The following EML3 variants were observed in gnomAD, a reference collection of about 807,000 sequenced individuals.
EML3 encodes EMAP like 3, also known as echinoderm microtubule-associated protein-like 3.
EML3 carries 53 observed loss-of-function variants against 106.7 expected under a neutral mutation model. The ratio of observed to expected loss-of-function variants is 0.50; its 90% CI spans 0.40 to 0.62. The LOEUF (loss-of-function observed/expected upper bound fraction) is 0.62. EML3 is among the 20% of genes least tolerant of loss of function. The pLI is 0.00. For missense variants in EML3, 994 were observed against 1,209.1 expected (o/e 0.82, Z 2.64); for synonymous variants, 499 against 489.6 (o/e 1.02, Z -0.25).
chr11:62,610,099 A>G (rs865828852), intron 4 of EML3, among the ~76,000 whole-genome samples: 1 of 152,094 alleles, frequency 6.6e-6, no homozygotes, highest in Admixed American at 6.6e-5. Context: ...CTGGGATTAC[A>G]CGTGCGCGCC....
Position 62,607,737 on chromosome 11 carries a change from A to G in EML3, c.1291T>C (p.Phe431Leu). 1 of 1,613,864 alleles carries G rather than the reference A, an allele frequency of 6.2e-7. No homozygotes were observed. Among genetic ancestry groups the G allele is most frequent in the Non-Finnish European group, 8.5e-7 (1 of 1,179,934 alleles). ...CCTACTCCACCACTCCAATTCCAGAAGTGGACGTGAGATTTCCCACTGGTG... is the reference window on the plus strand; with the variant it reads ...CCTACTCCACCACTCCAATTCCAGAGGTGGACGTGAGATTTCCCACTGGTG... ...IVTSGKSHVH[F>L]WNWSGGVGVP... is the part of the protein sequence containing the mutation. The change falls in exon 11 of 22, where the codon TTC becomes CTC. Residue 431 changes from phenylalanine to leucine, a missense_variant. By Grantham distance (22) the Phe-to-Leu change is conservative. Around this residue, in one of 3 missense-constraint regions of EML3, gnomAD observed 713 missense variants for 920.5 expected, o/e 0.77. Transcript: ENST00000394773.
At chr11:62,603,676 A>C (rs1942364893) in intron 19 of EML3, 53 bp downstream of exon 19, 10 of 1,524,110 alleles carry the variant, frequency 6.6e-6, no homozygotes, top group Non-Finnish European at 9.1e-6. Flanking sequence ...CCCCCCCTAC[A>C]CAAAACCCAC....
chr11:62,609,782 T>A, intron 4 of EML3, 86 bp from the exon 5 acceptor site: 1 of 1,193,406 alleles, frequency 8.4e-7, no homozygotes, highest in Non-Finnish European at 1.2e-6. Context: ...AAGAGGTCAC[T>A]GCAGAAACCA....
chr11:62,611,665 T>TC (rs1296222509), intron 1 of EML3, 69 bp from the exon 2 acceptor site: 1 of 1,499,490 alleles, frequency 6.7e-7, no homozygotes, highest in Non-Finnish European at 8.9e-7. Context: ...GGATTCTGTC[T>TC]CCCCACAACT....
chr11:62,602,450 G>C lies in EML3; in HGVS notation c.*25C>G. 1 of 1,544,732 alleles carries C rather than the reference G, an allele frequency of 6.5e-7. No individual in the cohort carries two copies. Among genetic ancestry groups the C allele is most frequent in the Non-Finnish European group, 8.8e-7 (1 of 1,142,722 alleles). On this transcript the variant is annotated 3_prime_UTR_variant, in exon 22 of 22. Coordinates refer to ENST00000394773, the MANE Select transcript of EML3 (RefSeq NM_153265.3). ...GGGCGGGGCGGGGCCACGCCGCCGG[G>C]CCAGTCGGTCCCGCCAGGCAGCGAT...
Position 62,605,772 on chromosome 11 carries a change from C to T in EML3, c.1784G>A (p.Gly595Asp). The part of the protein sequence containing the change: ...LAQGFSPVIQ[G>D]HTDELWGLCT... ...GAGCCCCCAGAGCTCATCAGTGTGG[C>T]CCTGCAGCACAGCATGACTGTCACT... Residue 595 changes from glycine to aspartate, a missense_variant and splice_region_variant, in exon 15 of 22, where the codon GGC becomes GAC. By Grantham distance (94) the Gly-to-Asp change is moderately conservative (BLOSUM62 -1). This residue lies in a region of EML3 where 713 missense variants were observed against 920.5 expected (regional missense o/e 0.77). Transcript: ENST00000394773. The surrounding 1 kb of genome is among the most constrained non-coding windows in gnomAD (Gnocchi z 5.2). The T allele has an allele frequency of 6.3e-7, 1 of 1,596,246 alleles. No individual in the cohort carries two copies. The highest frequency in any genetic ancestry group is 8.6e-7 in the Non-Finnish European group (1 of 1,169,534).
In EML3 at chr11:62,603,961, G is replaced by C; in HGVS notation, c.2152C>G (p.Arg718Gly). ...SVSSDGAKSSRFGRCMGHSSF... is the reference protein window; with the variant it reads ...SVSSDGAKSSGFGRCMGHSSF... ...TTCCTCACCATACAGCGGCCAAAGCGGCTGGATTTGGCACCATCACTGGAA... is the reference window on the plus strand; with the variant it reads ...TTCCTCACCATACAGCGGCCAAAGCCGCTGGATTTGGCACCATCACTGGAA... The change falls in exon 18 of 22, where the codon CGC (arginine) becomes GGC (glycine). Residue 718 changes from arginine (R) to glycine (G), a missense_variant. By Grantham distance (125) the Arg-to-Gly change is moderately radical. Coordinates refer to ENST00000394773, the MANE Select transcript of EML3 (RefSeq NM_153265.3). 1 of 1,613,986 alleles carries C rather than the reference G, an allele frequency of 6.2e-7. No homozygotes were observed. The highest frequency in any genetic ancestry group is 8.5e-7 in the Non-Finnish European group (1 of 1,180,002).
At chr11:62,611,673 A>C (rs763905691) in intron 1 of EML3, 77 bp from the exon 2 acceptor site, 15 of 1,472,954 alleles carry the variant, frequency 1.0e-5, no homozygotes, top group Non-Finnish European at 1.4e-5. Context: ...TCTCCCCACA[A>C]CTTTACATGT....
chr11:62,611,688 G>A (rs1942837898), intron 1 of EML3, 92 bp from the exon 2 acceptor site: 2 of 1,395,476 alleles, frequency 1.4e-6, no homozygotes, highest in Non-Finnish European at 1.9e-6. Context: ...ACATGTGTCC[G>A]GTAGGACTGC....
Position 62,602,653 on chromosome 11 carries a change from TG to T in EML3, c.2512del (p.His838ThrfsTer5). 6.3e-7 allele frequency: 1 copy of T among 1,595,788 alleles called. No homozygotes were observed. The highest frequency in any genetic ancestry group is 8.5e-7 in the Non-Finnish European group (1 of 1,174,438). ...TCGGACGCTGGTCACGTGGCTGCCG[TG>T]GCCCCCGTACATGCGGCTCGGCGCC... Reference protein sequence around the residue: ...AKAPSRMYGGHGSHVTSVRFT... With the variant: ...AKAPSRMYGGXGSHVTSVRFT... On this transcript the variant is annotated frameshift_variant, in exon 22 of 22. Transcript: ENST00000394773. LOFTEE classifies it high-confidence loss of function.
intron 1 of EML3, chr11:62,612,170 G>A: frequency 3.9e-6 from 2 of 514,512 alleles, no homozygotes; most frequent in South Asian, 5.0e-5. Context: ...AATACCACGA[G>A]AAGAGGCCCG....
chr11:62,602,741 C>A lies in EML3; in HGVS notation c.2487+18G>T. The stretch of plus-strand genomic sequence containing the variant: ...CTCGGGCCCACCGGTCCCACCCCGG[C>A]GATCCCCGCGGCCTCACCTTGGCAC... On this transcript the variant is annotated intron_variant, in intron 21 of 21. Transcript: ENST00000394773. The A allele has an allele frequency of 6.2e-7, 1 of 1,609,274 alleles. No homozygotes were observed. The highest frequency in any genetic ancestry group is 8.5e-7 in the Non-Finnish European group (1 of 1,178,540).
In EML3 at chr11:62,608,673, A is replaced by C. The variant is rs371527782; in HGVS notation, c.1000-21T>G. On this transcript the variant is annotated intron_variant, in intron 8 of 21. Transcript: ENST00000394773. The stretch of plus-strand genomic sequence containing the variant: ...AGGGGCTGGTGGAGGAAGAGTCACA[A>C]GTGTGAAGCAAAATTGGAGTGCAAT... 1.2e-5 allele frequency: 19 copies of C among 1,614,002 alleles called. No homozygotes were observed. In the South Asian group the frequency reaches 1.2e-4, roughly 10 times the overall value.
chr11:62,603,019 G>C (rs1942318475), intron 20 of EML3, 130 bp from the exon 21 acceptor site: 3 of 1,432,090 alleles, frequency 2.1e-6, no homozygotes, highest in African/African-American at 1.8e-5. Context: ...TCCCGGTCCC[G>C]AGGGGCCTCC....
chr11:62,612,312 G>T (rs948393495), intron 1 of EML3, 124 bp downstream of exon 1: 13 of 964,714 alleles, frequency 1.3e-5, no homozygotes, highest in Non-Finnish European at 2.0e-5. Flanking sequence ...TGTGGAGGAT[G>T]CTCGGAGCCC....
Position 62,603,946 on chromosome 11 carries a change from T to C in EML3, c.2167A>G (p.Met723Val), listed in dbSNP as rs1942381508. ...GAKSSRFGRC[M>V]GHSSFITHLD... ...ACCACACACCCCAACTTCCTCACCA[T>C]ACAGCGGCCAAAGCGGCTGGATTTG... The change falls in exon 18 of 22, where the codon ATG (methionine) becomes GTG (valine). Residue 723 changes from methionine (M) to valine (V), a missense_variant and splice_region_variant. This residue lies in a region of EML3 where 713 missense variants were observed against 920.5 expected (regional missense o/e 0.77). Transcript: ENST00000394773. The C allele has an allele frequency of 5.0e-6, 8 of 1,614,008 alleles. No homozygotes were observed. Among genetic ancestry groups the C allele is most frequent in the Admixed American group, 3.3e-5 (2 of 60,022 alleles).
In EML3 at chr11:62,607,554, AAG is replaced by A. The variant is rs772060805; in HGVS notation, c.1362+110_1362+111del. ...CTCCGTCTCAAAAGAAAAAAAAAAA[AAG>A]GTCACAGGGGCAGGTGGGGGTTAGG... On this transcript the variant is annotated intron_variant, in intron 11 of 21. Transcript: ENST00000394773. 7.7e-6 allele frequency: 10 copies of A among 1,292,988 alleles called. No individual in the cohort carries two copies. In the East Asian group the frequency reaches 1.7e-4, roughly 22 times the overall value. 80.1% of individuals were successfully genotyped at this position (1,292,988 alleles called of 1,614,324 possible). A position where few individuals can be genotyped will look rare whatever the true frequency, so the allele number is the denominator to read the frequency against.
intron 16 of EML3, among the ~76,000 whole-genome samples, chr11:62,604,541 C>A (rs1942417639): frequency 2.0e-5 from 3 of 152,084 alleles, no homozygotes; most frequent in African/African-American, 7.2e-5. Context: ...CCATGCCCGT[C>A]TAATTTTTGT....
intron 12 of EML3, 74 bp from the exon 13 acceptor site, chr11:62,606,288 G>A (rs1364106284): frequency 4.1e-5 from 62 of 1,529,708 alleles, no homozygotes; most frequent in Non-Finnish European, 4.8e-5. Flanking sequence ...CTTGGCTGTC[G>A]CAATACAGTA....
Sources: allele counts gnomAD v4.1 joint callset (sites outside exome capture counted in the v4.1 genomes callset), GRCh38; gene constraint gnomAD v4.1.1; regional missense constraint gnomAD v4.1.1; non-coding constraint Gnocchi (gnomAD v3.1); transcripts MANE v1.5; gene names NCBI Gene and HGNC (gene_info 2026-07-23, HGNC 2026-07-21).